The following EFNA5 variants were observed in gnomAD, a reference collection of about 807,000 sequenced individuals.
The protein encoded by EFNA5 is ephrin-A5.
EFNA5 carries 5 observed loss-of-function variants against 22.9 expected under a neutral mutation model. That is an observed-to-expected ratio of 0.22 (90% CI 0.11 to 0.46). The LOEUF is 0.46. Ranked by LOEUF, EFNA5 falls within the 20% of genes least tolerant of loss-of-function variation. EFNA5 has a pLI of 0.99. For synonymous variants in EFNA5, 113 were observed against 112.2 expected, an observed-to-expected ratio of 1.01 and a Z score of -0.04; for missense variants, 237 against 293.3, an observed-to-expected ratio of 0.81 and a Z score of 1.40.
intron 1 of EFNA5, among the ~76,000 whole-genome samples, chr5:107,654,732 CA>C (rs1750790286): frequency 6.6e-6 from 1 of 152,050 alleles, no homozygotes; most frequent in African/African-American, 2.4e-5. Flanking sequence ...AATACATTGA[CA>C]TAACTCAGCC....
intron 1 of EFNA5, among the ~76,000 whole-genome samples, chr5:107,569,503 ATATATT>A (rs1229232801): frequency 4.7e-4 from 63 of 135,382 alleles, no homozygotes; most frequent in Admixed American, 4.6e-4. Flanking sequence ...ATATGTGTAT[ATATATT>A]TATATATGTG....
At chr5:107,474,844 T>G (rs953410042) in intron 1 of EFNA5, among the ~76,000 whole-genome samples, 2 of 152,180 alleles carry the variant, frequency 1.3e-5, no homozygotes, top group African/African-American at 2.4e-5. Context: ...AATGACTAAT[T>G]AAGGGCCATT....
chr5:107,551,636 C>G (rs770755029), intron 1 of EFNA5, among the ~76,000 whole-genome samples: 1 of 152,058 alleles, frequency 6.6e-6, no homozygotes, highest in African/African-American at 2.4e-5. Flanking sequence ...TTTAGCAACT[C>G]CCTGCCGATC....
intron 1 of EFNA5, among the ~76,000 whole-genome samples, chr5:107,536,096 T>C (rs1747923605): frequency 6.6e-6 from 1 of 152,204 alleles, no homozygotes; most frequent in Non-Finnish European, 1.5e-5. Flanking sequence ...ACCTGACTGA[T>C]ATGAGGGAGG....
intron 1 of EFNA5, among the ~76,000 whole-genome samples, chr5:107,589,521 A>G (rs1044789285): frequency 2.0e-5 from 3 of 152,218 alleles, no homozygotes; most frequent in African/African-American, 7.2e-5. Flanking sequence ...TCTTTGCCAT[A>G]GTTAGCATTT....
intron 1 of EFNA5, among the ~76,000 whole-genome samples, chr5:107,460,664 A>G (rs1395507753): frequency 2.0e-5 from 3 of 152,200 alleles, no homozygotes; most frequent in Admixed American, 6.5e-5. Context: ...AGCTTTCACT[A>G]TAACTGACCT....
At chr5:107,545,771 T>A (rs1748133259) in intron 1 of EFNA5, among the ~76,000 whole-genome samples, 1 of 152,168 alleles carries the variant, frequency 6.6e-6, no homozygotes. Context: ...TGTAATCAAC[T>A]CGGCTTCAAC....
chr5:107,584,306 T>G (rs754990426), intron 1 of EFNA5, among the ~76,000 whole-genome samples: 11 of 152,204 alleles, frequency 7.2e-5, no homozygotes, highest in Admixed American at 2.6e-4. Context: ...TTGGCCATAT[T>G]TGCCTAAACC....
intron 1 of EFNA5, among the ~76,000 whole-genome samples, chr5:107,577,307 A>T (rs1748947878): frequency 6.6e-6 from 1 of 152,076 alleles, no homozygotes; most frequent in Non-Finnish European, 1.5e-5. Context: ...CCATTCCCAG[A>T]TGAAGTCAGT....
chr5:107,535,098 G>A (rs1292200041), intron 1 of EFNA5, among the ~76,000 whole-genome samples: 2 of 152,076 alleles, frequency 1.3e-5, no homozygotes, highest in East Asian at 1.9e-4. Flanking sequence ...TCACACCTGG[G>A]GTATAAATAG....
chr5:107,543,484 A>ATC (rs1748087709), intron 1 of EFNA5, among the ~76,000 whole-genome samples: 1 of 152,234 alleles, frequency 6.6e-6, no homozygotes, highest in Admixed American at 6.5e-5. Flanking sequence ...CACAAAGAAC[A>ATC]TCTTGGCAAG....
intron 1 of EFNA5, among the ~76,000 whole-genome samples, chr5:107,612,794 G>A (rs979879609): frequency 1.3e-5 from 2 of 151,868 alleles, no homozygotes; most frequent in Middle Eastern, 3.4e-3. Context: ...GCTGAGAATG[G>A]AACAGAGTCA....
chr5:107,447,532 G>C (rs1749428682), intron 1 of EFNA5, among the ~76,000 whole-genome samples: 1 of 152,216 alleles, frequency 6.6e-6, no homozygotes, highest in Non-Finnish European at 1.5e-5. Flanking sequence ...TGACAGTCTA[G>C]TGGGGAAGGC....
At chr5:107,569,356 T>A (rs1408799036) in intron 1 of EFNA5, among the ~76,000 whole-genome samples, 2 of 145,682 alleles carry the variant, frequency 1.4e-5, no homozygotes, top group East Asian at 2.0e-4. Context: ...ACCCTTAAAA[T>A]ATATATACGT....
intron 1 of EFNA5, among the ~76,000 whole-genome samples, chr5:107,579,483 TGACA>T (rs1748996037): frequency 6.6e-6 from 1 of 151,432 alleles, no homozygotes; most frequent in African/African-American, 2.4e-5. Flanking sequence ...TAGAACTGCA[TGACA>T]GACAAGAGGC....
Position 107,556,779 on chromosome 5 carries a change from A to T in EFNA5, c.125+113710T>A, listed in dbSNP as rs7721540. Among the ~76,000 whole-genome samples, 128 of 113,006 alleles carry T rather than the reference A, an allele frequency of 1.1e-3. 5 individuals are homozygous for T. The highest frequency in any genetic ancestry group is 4.7e-3 in the Middle Eastern group (1 of 214). The allele number at this position is 113,006 out of a possible 152,430, so 74.1% of individuals were successfully genotyped here. A position where few individuals can be genotyped will look rare whatever the true frequency, so the allele number is the denominator to read the frequency against. Reference sequence around the variant, plus strand: ...AAATAAATAAATAAATAAATAAATAAATAAATAAATAAAATAAAATAAATA... The same window carrying T: ...AAATAAATAAATAAATAAATAAATATATAAATAAATAAAATAAAATAAATA... On this transcript the variant is annotated intron_variant, in intron 1 of 4. Coordinates refer to ENST00000333274, the MANE Select transcript of EFNA5 (RefSeq NM_001962.3).
chr5:107,611,503 T>C (rs1749818797), intron 1 of EFNA5, among the ~76,000 whole-genome samples: 1 of 152,206 alleles, frequency 6.6e-6, no homozygotes, highest in Non-Finnish European at 1.5e-5. Flanking sequence ...TGGGATTACT[T>C]TGATGACCCT....
chr5:107,545,675 C>T (rs1174996126), intron 1 of EFNA5, among the ~76,000 whole-genome samples: 1 of 152,132 alleles, frequency 6.6e-6, no homozygotes, highest in Non-Finnish European at 1.5e-5. Context: ...GTGTTTAGCT[C>T]TTCAATCTGC....
At chr5:107,509,553 G>A (rs1482140730) in intron 1 of EFNA5, among the ~76,000 whole-genome samples, 4 of 141,778 alleles carry the variant, frequency 2.8e-5, no homozygotes, top group African/African-American at 1.1e-4. Context: ...AGCTGGTCTT[G>A]AACTCCTGAC....
Sources: gnomAD v4.1 joint callset for allele counts (sites outside exome capture counted in the v4.1 genomes callset) on GRCh38, gnomAD v4.1.1 for gene constraint, MANE v1.5 for transcripts, NCBI Gene and HGNC (gene_info 2026-07-23, HGNC 2026-07-21) for gene names.